The following MBNL1 variants were observed in gnomAD, a reference collection of about 807,000 sequenced individuals.
The protein encoded by MBNL1 is muscleblind-like protein 1.
In MBNL1, 8 loss-of-function variants were observed where a neutral mutation model predicts 42.2. The observed-to-expected ratio is 0.19, with a 90% CI of 0.11 to 0.34. The LOEUF is 0.34. Among genes scored for constraint, MBNL1 ranks in the 10% least tolerant of loss-of-function variants. The probability of loss-of-function intolerance (pLI) is 1.00; values close to 1 mark genes in which losing one functional copy is unlikely to be tolerated. For missense variants in MBNL1, 309 were observed against 495.3 expected, an observed-to-expected ratio of 0.62 and a Z score of 3.57; for synonymous variants, 169 against 173.9, an observed-to-expected ratio of 0.97 and a Z score of 0.22.
chr3:152,406,411 A>G (rs1263278144), intron 2 of MBNL1, among the ~76,000 whole-genome samples: 1 of 152,194 alleles, frequency 6.6e-6, no homozygotes, highest in Non-Finnish European at 1.5e-5. Context: ...TGCTACTGCA[A>G]CAGTTGTATG....
intron 6 of MBNL1, among the ~76,000 whole-genome samples, chr3:152,449,078 T>C (rs144469461): frequency 1.7e-3 from 257 of 152,356 alleles, no homozygotes; most frequent in Non-Finnish European, 2.9e-3. Flanking sequence ...ATTAATCTTT[T>C]TGCTCTTGTG....
Position 152,414,825 on chromosome 3 carries a change from T to G in MBNL1, c.175-116T>G, listed in dbSNP as rs901074298. ...ATGTATGATCAAATGATATGGACAATGCATTGTGTGAAAAACCAATGATAC... is the reference window on the plus strand; with the variant it reads ...ATGTATGATCAAATGATATGGACAAGGCATTGTGTGAAAAACCAATGATAC... On this transcript the variant is annotated intron_variant, in intron 2 of 9. Transcript: ENST00000324210. 9.9e-6 allele frequency: 9 copies of G among 908,896 alleles called. No homozygotes were observed. In the Admixed American group the frequency reaches 1.8e-4, roughly 18 times the overall value. 56.3% of individuals were successfully genotyped at this position (908,896 alleles called of 1,614,324 possible). A position where few individuals can be genotyped will look rare whatever the true frequency, so the allele number is the denominator to read the frequency against.
chr3:152,331,185 T>TACACACACACACATACACACATAC (rs2084231362), intron 2 of MBNL1, among the ~76,000 whole-genome samples: 1 of 151,182 alleles, frequency 6.6e-6, no homozygotes, highest in Non-Finnish European at 1.5e-5. Context: ...CTCCTTCCCC[T>TACACACACACACATACACACATAC]ACACACACAC....
chr3:152,276,771 A>G (rs1254182035), intron 1 of MBNL1, among the ~76,000 whole-genome samples: 2 of 152,300 alleles, frequency 1.3e-5, no homozygotes, highest in East Asian at 1.9e-4. Context: ...ACATAAACAG[A>G]CACTTGGTGT....
intron 2 of MBNL1, among the ~76,000 whole-genome samples, chr3:152,414,189 A>T (rs2098654699): frequency 6.6e-6 from 1 of 152,370 alleles, no homozygotes; most frequent in South Asian, 2.1e-4. Context: ...GTGCACCGCC[A>T]TTCCTGGCTT....
intron 2 of MBNL1, among the ~76,000 whole-genome samples, chr3:152,309,602 G>A (rs1204802544): frequency 1.3e-5 from 2 of 152,010 alleles, no homozygotes; most frequent in African/African-American, 2.4e-5. Context: ...AGTAAAACAT[G>A]GAAAATTAAA....
At chr3:152,442,877 T>C (rs763587846) in intron 4 of MBNL1, among the ~76,000 whole-genome samples, 7 of 152,178 alleles carry the variant, frequency 4.6e-5, no homozygotes, top group Non-Finnish European at 1.0e-4. Context: ...GATTTTCTCT[T>C]CCTTATTTTT....
At position 152,293,743 on chromosome 3, in the gene MBNL1, A is replaced by G. The variant is rs180973893; in HGVS notation, c.-789-5662A>G. Among the ~76,000 whole-genome samples, 23 of 152,324 alleles carry G rather than the reference A, an allele frequency of 1.5e-4. No individual in the cohort carries two copies. In the East Asian group the frequency reaches 4.4e-3, roughly 29 times the overall value. On this transcript the variant is annotated intron_variant, in intron 1 of 9. Coordinates refer to ENST00000324210, the MANE Select transcript of MBNL1 (RefSeq NM_021038.5). Reference sequence around the variant, plus strand: ...ATAAAATTCTTCAAAATTACCAGCTAACTACTCTGGGATATAACTGGACTG... The same window carrying G: ...ATAAAATTCTTCAAAATTACCAGCTGACTACTCTGGGATATAACTGGACTG...
intron 3 of MBNL1, among the ~76,000 whole-genome samples, chr3:152,420,254 G>T (rs975813524): frequency 6.6e-6 from 1 of 152,156 alleles, no homozygotes; most frequent in South Asian, 2.1e-4. Flanking sequence ...CTAGCACAGC[G>T]CTTGAACTCT....
intron 2 of MBNL1, among the ~76,000 whole-genome samples, chr3:152,353,771 A>G (rs1055144485): frequency 6.6e-5 from 10 of 151,076 alleles, no homozygotes; most frequent in Non-Finnish European, 1.5e-5. Context: ...TCTGGCATGC[A>G]AATTCAGAGG....
intron 3 of MBNL1, among the ~76,000 whole-genome samples, chr3:152,426,664 C>A (rs943082273): frequency 6.6e-6 from 1 of 152,306 alleles, no homozygotes; most frequent in Non-Finnish European, 1.5e-5. Context: ...GTAATGGTCT[C>A]ATGTGCCTTT....
intron 2 of MBNL1, among the ~76,000 whole-genome samples, chr3:152,316,434 A>G (rs544728559): frequency 3.3e-5 from 5 of 152,220 alleles, no homozygotes; most frequent in Non-Finnish European, 5.9e-5. Context: ...ATGTGAGTCA[A>G]CAGCTTGCAT....
chr3:152,441,447 T>C (rs2099144527), intron 4 of MBNL1, among the ~76,000 whole-genome samples: 1 of 152,184 alleles, frequency 6.6e-6, no homozygotes, highest in African/African-American at 2.4e-5. Flanking sequence ...TGAAGATTCC[T>C]TAGCTAGTAA....
intron 2 of MBNL1, among the ~76,000 whole-genome samples, chr3:152,370,584 T>C (rs1351911136): frequency 2.0e-5 from 3 of 152,226 alleles, no homozygotes; most frequent in Non-Finnish European, 4.4e-5. Context: ...ATCTGTCTAA[T>C]ATTGACAGTG....
At chr3:152,433,980 A>G (rs182686388) in intron 4 of MBNL1, among the ~76,000 whole-genome samples, 34 of 152,352 alleles carry the variant, frequency 2.2e-4, no homozygotes, top group Admixed American at 1.8e-3. Flanking sequence ...CAAACGTGTC[A>G]TTCATTGAAC....
chr3:152,332,739 T>TGTGTGTGTGTGTGC (rs1256022678), intron 2 of MBNL1, among the ~76,000 whole-genome samples: 8 of 115,644 alleles, frequency 6.9e-5, no homozygotes, highest in South Asian at 2.6e-4. Context: ...TGTGTGTGTG[T>TGTGTGTGTGTGTGC]GCGCGCGCGC....
chr3:152,372,927 C>T (rs2096735017), intron 2 of MBNL1, among the ~76,000 whole-genome samples: 1 of 152,184 alleles, frequency 6.6e-6, no homozygotes, highest in Non-Finnish European at 1.5e-5. Context: ...TCCTCTGTCC[C>T]AGAGAGGTGG....
At position 152,361,079 on chromosome 3, in the gene MBNL1, T is replaced by C. The variant is rs553948269; in HGVS notation, c.175-53862T>C. ...ACCAGATCAGATGAGGAATAAAATA[T>C]TACCATTGTAAGTGTAGAAAAAAAC... On this transcript the variant is annotated intron_variant, in intron 2 of 9. Transcript: ENST00000324210. 3.9e-5 allele frequency among the ~76,000 whole-genome samples: 6 copies of C among 152,240 alleles called. 1 individual carries two copies. The highest frequency in any genetic ancestry group is 3.9e-4 in the Admixed American group (6 of 15,282).
chr3:152,340,278 C>A, intron 2 of MBNL1: 1 of 423,600 alleles, frequency 2.4e-6, no homozygotes, highest in Non-Finnish European at 4.2e-6. Flanking sequence ...TCACTGCACC[C>A]CAGCCTGGGC....
Sources: gnomAD v4.1 joint callset for allele counts (sites outside exome capture counted in the v4.1 genomes callset) on GRCh38, gnomAD v4.1.1 for gene constraint, MANE v1.5 for transcripts, NCBI Gene and HGNC (gene_info 2026-07-23, HGNC 2026-07-21) for gene names.